GRIK2: variants seen among roughly 807,000 people sequenced by gnomAD.
GRIK2 encodes the protein glutamate receptor ionotropic, kainate 2.
In GRIK2, 32 loss-of-function variants were observed where a neutral mutation model predicts 100.3. The ratio of observed to expected loss-of-function variants is 0.32; its 90% CI spans 0.24 to 0.43. GRIK2 has a LOEUF of 0.43. GRIK2 is among the 20% of genes least tolerant of loss of function. The probability of loss-of-function intolerance (pLI) is 1.00; values close to 1 mark genes in which losing one functional copy is unlikely to be tolerated. For missense variants in GRIK2, 843 were observed against 1,114.9 expected (o/e 0.76, Z 3.47); for synonymous variants, 417 against 389.4 (o/e 1.07, Z -0.83).
intron 11 of GRIK2, among the ~76,000 whole-genome samples, chr6:101,888,337 A>G (rs779545864): frequency 6.6e-6 from 1 of 152,186 alleles, no homozygotes; most frequent in Non-Finnish European, 1.5e-5. Context: ...AACAGGAAAT[A>G]ATAGTAGGAT....
chr6:101,627,874 A>G (rs1780536937), intron 4 of GRIK2, among the ~76,000 whole-genome samples: 2 of 152,274 alleles, frequency 1.3e-5, no homozygotes, highest in Non-Finnish European at 2.9e-5. Context: ...ATCAGTTAAA[A>G]ACAAGTCTCA....
intron 11 of GRIK2, among the ~76,000 whole-genome samples, chr6:101,878,007 G>A (rs1039733896): frequency 6.6e-6 from 1 of 150,630 alleles, no homozygotes; most frequent in Non-Finnish European, 1.5e-5. Context: ...ATTGATGAAA[G>A]CACACACTTC....
chr6:101,681,336 C>G (rs906967804), intron 5 of GRIK2, among the ~76,000 whole-genome samples: 5 of 151,680 alleles, frequency 3.3e-5, no homozygotes, highest in Non-Finnish European at 7.4e-5. Flanking sequence ...GTGACCCTCT[C>G]AACCTCAGCT....
At chr6:101,472,956 A>G (rs1562162727) in intron 2 of GRIK2, among the ~76,000 whole-genome samples, 1 of 151,710 alleles carries the variant, frequency 6.6e-6, no homozygotes, top group Admixed American at 6.6e-5. Flanking sequence ...GACTATTTCT[A>G]TATGTTCATG....
chr6:101,619,065 C>T (rs1175336236), intron 2 of GRIK2, among the ~76,000 whole-genome samples: 15 of 148,852 alleles, frequency 1.0e-4, no homozygotes, highest in African/African-American at 2.2e-4. Flanking sequence ...TAAGATTTTC[C>T]GAATTTTTAA....
chr6:101,595,716 G>GTATATATATATATATATATATA (rs751726535), intron 2 of GRIK2, among the ~76,000 whole-genome samples: 13 of 133,778 alleles, frequency 9.7e-5, no homozygotes, highest in African/African-American at 2.0e-4. Context: ...GTGTGTGTGT[G>GTATATATATATATATATATATA]TGTATATATA....
Position 101,479,989 on chromosome 6 carries a change from T to A in GRIK2, c.115+80597T>A, listed in dbSNP as rs146861468. ...TCCCATAAATCTATAAAGCAACTCA[T>A]ATATCAGCAGAAAATTCAAATAACA... On this transcript the variant is annotated intron_variant, in intron 2 of 16. Transcript: ENST00000369134. Among the ~76,000 whole-genome samples the A allele has an allele frequency of 3.3e-3, 508 of 152,300 alleles. 1 individual carries two copies. The highest frequency in any genetic ancestry group is 0.017 in the Middle Eastern group (5 of 294).
intron 4 of GRIK2, among the ~76,000 whole-genome samples, chr6:101,651,484 T>G (rs1781789209): frequency 1.3e-5 from 2 of 152,076 alleles, no homozygotes; most frequent in Middle Eastern, 3.4e-3. Context: ...GAATAAGAAA[T>G]CAGTGTCATA....
chr6:101,820,231 A>C (rs1781872770), intron 10 of GRIK2, among the ~76,000 whole-genome samples: 1 of 152,014 alleles, frequency 6.6e-6, no homozygotes, highest in Non-Finnish European at 1.5e-5. Context: ...AATATCACTA[A>C]ACATTCCTTG....
At position 101,988,009 on chromosome 6, in the gene GRIK2, G is replaced by A. The variant is rs1794113715; in HGVS notation, c.2086-47332G>A. Reference sequence around the variant, plus strand: ...TTTGTTTTTATCGGATCATAAAACTGCCTTTTTTCTCCTTCAGCTACTGCT... The same window carrying A: ...TTTGTTTTTATCGGATCATAAAACTACCTTTTTTCTCCTTCAGCTACTGCT... On this transcript the variant is annotated intron_variant, in intron 14 of 16. Transcript: ENST00000369134. Among the ~76,000 whole-genome samples the A allele has an allele frequency of 2.0e-5, 3 of 151,460 alleles. No homozygotes were observed. In the South Asian group the frequency reaches 6.2e-4, roughly 32 times the overall value.
intron 2 of GRIK2, among the ~76,000 whole-genome samples, chr6:101,602,709 T>C (rs1779279028): frequency 6.6e-6 from 1 of 151,660 alleles, no homozygotes. Flanking sequence ...AGAATACTTT[T>C]GTACCTGCAC....
chr6:101,480,780 C>T (rs1772487379), intron 2 of GRIK2, among the ~76,000 whole-genome samples: 1 of 152,088 alleles, frequency 6.6e-6, no homozygotes, highest in East Asian at 1.9e-4. Flanking sequence ...TTTGCCTCTT[C>T]TTCAGTCTTC....
chr6:101,602,816 C>T (rs369983907), intron 2 of GRIK2, among the ~76,000 whole-genome samples: 10 of 151,804 alleles, frequency 6.6e-5, no homozygotes, highest in African/African-American at 2.4e-4. Flanking sequence ...CCTGCTTTCA[C>T]ACTTCTCCCA....
intron 10 of GRIK2, 46 bp from the exon 11 acceptor site, chr6:101,859,241 T>C: frequency 1.0e-6 from 1 of 998,592 alleles, no homozygotes; most frequent in Non-Finnish European, 1.6e-6. Flanking sequence ...GATGATGAGT[T>C]TCATGATTAA....
intron 14 of GRIK2, among the ~76,000 whole-genome samples, chr6:101,969,926 G>A (rs1221796795): frequency 2.0e-5 from 3 of 151,890 alleles, no homozygotes; most frequent in East Asian, 3.9e-4. Context: ...TTATTATATG[G>A]CTTGGAGAGT....
In GRIK2 at chr6:101,802,453, T is replaced by A; in HGVS notation, c.1203+15T>A. ...GTCTAGAAAAGGTATTTCAGTGAGCTTATTTGCTTTAATTACTAAATGAAA... is the reference window on the plus strand; with the variant it reads ...GTCTAGAAAAGGTATTTCAGTGAGCATATTTGCTTTAATTACTAAATGAAA... On this transcript the variant is annotated intron_variant, in intron 9 of 16. Transcript: ENST00000369134. The A allele has an allele frequency of 2.6e-6, 3 of 1,137,278 alleles. No homozygotes were observed. Among genetic ancestry groups the A allele is most frequent in the Non-Finnish European group, 3.9e-6 (3 of 778,968 alleles). 70.4% of individuals were successfully genotyped at this position (1,137,278 alleles called of 1,614,324 possible).
At chr6:101,680,261 C>G (rs1354702998) in intron 5 of GRIK2, among the ~76,000 whole-genome samples, 1 of 152,178 alleles carries the variant, frequency 6.6e-6, no homozygotes, top group Non-Finnish European at 1.5e-5. Flanking sequence ...TACACCAAAG[C>G]AGAATTTGAT....
At chr6:102,054,426 T>A (rs1320321615) in intron 15 of GRIK2, among the ~76,000 whole-genome samples, 2 of 152,020 alleles carry the variant, frequency 1.3e-5, no homozygotes, top group Admixed American at 6.6e-5. Flanking sequence ...AGGAAAAAGA[T>A]CACACTTTAG....
intron 2 of GRIK2, among the ~76,000 whole-genome samples, chr6:101,472,392 G>A (rs989034325): frequency 2.6e-5 from 4 of 151,918 alleles, no homozygotes; most frequent in African/African-American, 9.6e-5. Context: ...AATATCCAGA[G>A]TTATTTATTT....
Sources: gnomAD v4.1 joint callset for allele counts (sites outside exome capture counted in the v4.1 genomes callset) on GRCh38, gnomAD v4.1.1 for gene constraint, MANE v1.5 for transcripts, NCBI Gene and HGNC (gene_info 2026-07-23, HGNC 2026-07-21) for gene names.